Variants in ASTN2 observed in about 807,000 individuals in gnomAD.
ASTN2 encodes astrotactin-2.
In ASTN2, 54 loss-of-function variants were observed where a neutral mutation model predicts 139.8. That is an observed-to-expected ratio of 0.39 (90% CI 0.31 to 0.48). The LOEUF is 0.48. ASTN2 is among the 20% of genes least tolerant of loss of function. The pLI, the probability that ASTN2 is intolerant of heterozygous loss-of-function variation, is 0.95. For synonymous variants in ASTN2, 756 were observed against 719.5 expected, an observed-to-expected ratio of 1.05 and a Z score of -0.81; for missense variants, 1,565 against 1,725.1, an observed-to-expected ratio of 0.91 and a Z score of 1.64.
intron 4 of ASTN2, among the ~76,000 whole-genome samples, chr9:117,137,820 C>A (rs989521086): frequency 6.6e-6 from 1 of 152,014 alleles, no homozygotes; most frequent in Admixed American, 6.6e-5. Flanking sequence ...TCTTCTCCTG[C>A]AGAAATTGTA....
At chr9:116,923,630 G>A (rs1353462605) in intron 10 of ASTN2, among the ~76,000 whole-genome samples, 1 of 152,206 alleles carries the variant, frequency 6.6e-6, no homozygotes, top group Non-Finnish European at 1.5e-5. Flanking sequence ...CCCTGGAGAT[G>A]GAGATTTCTT....
At chr9:116,742,475 A>C (rs1392199537) in intron 13 of ASTN2, among the ~76,000 whole-genome samples, 7 of 152,166 alleles carry the variant, frequency 4.6e-5, no homozygotes, top group Non-Finnish European at 1.0e-4. Context: ...TGGAAGTCAA[A>C]CCACCCCTCA....
chr9:117,053,947 A>G (rs1838984352), intron 5 of ASTN2, among the ~76,000 whole-genome samples: 1 of 151,984 alleles, frequency 6.6e-6, no homozygotes, highest in Non-Finnish European at 1.5e-5. Context: ...TTTTAGCAAA[A>G]CCATGTATGC....
At chr9:117,366,002 A>G (rs559868672) in intron 1 of ASTN2, among the ~76,000 whole-genome samples, 33 of 152,248 alleles carry the variant, frequency 2.2e-4, no homozygotes, top group African/African-American at 6.5e-4. Context: ...GACACATTAC[A>G]TAACTCATCC....
At chr9:117,305,158 T>C (rs572743500) in intron 1 of ASTN2, among the ~76,000 whole-genome samples, 7 of 152,210 alleles carry the variant, frequency 4.6e-5, no homozygotes, top group Non-Finnish European at 1.0e-4. Flanking sequence ...AAAAGTGGAA[T>C]TCCACTCTTG....
intron 19 of ASTN2, chr9:116,585,569 A>G (rs539242176): frequency 1.3e-5 from 2 of 152,340 alleles, no homozygotes; most frequent in South Asian, 2.1e-4. Flanking sequence ...AAATGAAGAA[A>G]GGACTCCTTA....
At chr9:116,454,898 G>A (rs572764166) in intron 20 of ASTN2, among the ~76,000 whole-genome samples, 98 of 152,256 alleles carry the variant, frequency 6.4e-4, no homozygotes, top group African/African-American at 2.3e-3. Context: ...GTGGTGTGGG[G>A]GAAGAGGGAG....
At chr9:116,661,898 A>C (rs1742831) in intron 16 of ASTN2, among the ~76,000 whole-genome samples, 1 of 151,694 alleles carries the variant, frequency 6.6e-6, no homozygotes, top group Non-Finnish European at 1.5e-5. Context: ...AAAATTAGGA[A>C]ATATACCTAA....
intron 1 of ASTN2, among the ~76,000 whole-genome samples, chr9:117,381,902 T>C (rs1038511460): frequency 2.6e-5 from 4 of 152,300 alleles, no homozygotes; most frequent in Admixed American, 1.3e-4. Context: ...GATAGTGTTC[T>C]GGTCACAAGA....
chr9:117,078,370 G>A (rs1430421296), intron 5 of ASTN2, among the ~76,000 whole-genome samples: 1 of 152,006 alleles, frequency 6.6e-6, no homozygotes, highest in Non-Finnish European at 1.5e-5. Flanking sequence ...TTTATCCATT[G>A]AAGAGCCATC....
intron 1 of ASTN2, among the ~76,000 whole-genome samples, chr9:117,402,069 C>T (rs961872801): frequency 7.2e-5 from 11 of 152,050 alleles, no homozygotes; most frequent in African/African-American, 2.4e-4. Flanking sequence ...AAATCTTTTC[C>T]TGTTGTTGTT....
At chr9:116,899,817 C>T (rs538900415) in intron 10 of ASTN2, among the ~76,000 whole-genome samples, 1 of 152,272 alleles carries the variant, frequency 6.6e-6, no homozygotes, top group South Asian at 2.1e-4. Context: ...CCAACTGCTC[C>T]TGCATATAAC....
intron 5 of ASTN2, among the ~76,000 whole-genome samples, chr9:117,070,986 A>G (rs10983504): frequency 0.048 from 6,304 of 131,734 alleles, 125 homozygotes; most frequent in East Asian, 0.089. Context: ...TAATTTGATC[A>G]TCTGAAGCCT....
chr9:117,364,126 A>G (rs1171665509), intron 1 of ASTN2, among the ~76,000 whole-genome samples: 2 of 152,218 alleles, frequency 1.3e-5, no homozygotes, highest in Non-Finnish European at 2.9e-5. Context: ...CATGACCCAC[A>G]TATATTCCCT....
chr9:116,866,438 A>G (rs745770306), intron 10 of ASTN2, among the ~76,000 whole-genome samples: 2 of 152,300 alleles, frequency 1.3e-5, no homozygotes, highest in Middle Eastern at 3.4e-3. Flanking sequence ...GTAGGGAGTG[A>G]GGTGACAGGT....
At chr9:116,473,342 T>C (rs1042356239) in intron 20 of ASTN2, among the ~76,000 whole-genome samples, 1 of 152,180 alleles carries the variant, frequency 6.6e-6, no homozygotes, top group Non-Finnish European at 1.5e-5. Flanking sequence ...TATTCTACTC[T>C]TAGATTACAG....
At chr9:117,159,902 A>G (rs2132898557) in intron 3 of ASTN2, among the ~76,000 whole-genome samples, 1 of 152,182 alleles carries the variant, frequency 6.6e-6, no homozygotes, top group African/African-American at 2.4e-5. Flanking sequence ...AGGTCAGATT[A>G]GTCTGGCTAG....
At chr9:116,595,758 G>T (rs1229329552) in intron 19 of ASTN2, among the ~76,000 whole-genome samples, 1 of 152,150 alleles carries the variant, frequency 6.6e-6, no homozygotes, top group Non-Finnish European at 1.5e-5. Context: ...CATGGAATGG[G>T]ACAAGTAAGG....
Position 117,172,665 on chromosome 9 carries a change from C to T in ASTN2, c.1016-31187G>A, listed in dbSNP as rs114248561. Among the ~76,000 whole-genome samples the T allele has an allele frequency of 7.8e-3, 1,181 of 152,096 alleles. 15 individuals are homozygous for T. The highest frequency in any genetic ancestry group is 0.027 in the African/African-American group (1,131 of 41,486). The stretch of plus-strand genomic sequence containing the variant: ...GGAATGGTCACGTGGCTTGTGAATC[C>T]CAGAGTGGGTAACATTTCTATCCAA... On this transcript the variant is annotated intron_variant, in intron 3 of 22. Transcript: ENST00000313400.
Sources: gnomAD v4.1 joint callset for allele counts (sites outside exome capture counted in the v4.1 genomes callset) on GRCh38, gnomAD v4.1.1 for gene constraint, MANE v1.5 for transcripts, NCBI Gene and HGNC (gene_info 2026-07-23, HGNC 2026-07-21) for gene names.